KIF21A: variants seen among roughly 807,000 people sequenced by gnomAD.
The protein encoded by KIF21A is kinesin-like protein KIF21A.
A neutral mutation model predicts 202.9 loss-of-function variants in KIF21A; 114 were observed. The observed-to-expected ratio is 0.56, with a 90% CI of 0.48 to 0.66. The LOEUF (loss-of-function observed/expected upper bound fraction) is 0.66, where lower values mean the gene tolerates loss of function less well. Ranked by LOEUF, KIF21A falls within the 30% of genes least tolerant of loss-of-function variation. KIF21A has a pLI of 0.00. For synonymous variants in KIF21A, 667 were observed against 670.8 expected (o/e 0.99, Z 0.09); for missense variants, 1,677 against 1,994.9 (o/e 0.84, Z 3.04).
At position 39,366,513 on chromosome 12, in the gene KIF21A, T is replaced by C. The variant is rs772197323; in HGVS notation, c.740A>G (p.Asn247Ser). The stretch of plus-strand genomic sequence containing the variant: ...AGAAATAATTTTATTATCAGTTGCA[T>C]TGTCCTGAAATTAAGAAAAATAATT... ...TRVCPQIDAD[N>S]ATDNKIISES... The change falls in exon 6 of 38, where the codon AAT (asparagine) becomes AGT (serine). Residue 247 changes from asparagine (N) to serine (S), a missense_variant. Around this residue, in one of 3 missense-constraint regions of KIF21A, gnomAD observed 966 missense variants for 1,180.9 expected, o/e 0.82. Transcript: ENST00000361418. The C allele has an allele frequency of 6.3e-7, 1 of 1,599,422 alleles. No homozygotes were observed. The highest frequency in any genetic ancestry group is 8.6e-7 in the Non-Finnish European group (1 of 1,167,190).
chr12:39,388,323 C>T (rs1262698449), intron 1 of KIF21A, among the ~76,000 whole-genome samples: 1 of 152,158 alleles, frequency 6.6e-6, no homozygotes, highest in Non-Finnish European at 1.5e-5. Context: ...CTTTACCTTC[C>T]ATCGTAAGTG....
chr12:39,295,222 T>G (rs543327358), intron 37 of KIF21A, among the ~76,000 whole-genome samples: 2 of 152,318 alleles, frequency 1.3e-5, no homozygotes, highest in South Asian at 2.1e-4. Context: ...TTGAAATTTT[T>G]TATAAAAAGG....
At chr12:39,337,358 G>A in intron 16 of KIF21A, 155 bp from the exon 17 acceptor site, 1 of 626,830 alleles carries the variant, frequency 1.6e-6, no homozygotes, top group Non-Finnish European at 2.8e-6. Flanking sequence ...TCTTATTTCT[G>A]TGGGATTCAT....
chr12:39,294,513 G>T lies in KIF21A; in HGVS notation c.4936C>A (p.Arg1646=), dbSNP rs777458254. 12 of 1,611,894 alleles carry T rather than the reference G, an allele frequency of 7.4e-6. No homozygotes were observed. Among genetic ancestry groups the T allele is most frequent in the Non-Finnish European group, 9.3e-6 (11 of 1,178,402 alleles). Reference sequence around the variant, plus strand: ...CGAGCCTTCCAAATTCTCACAGTTCGATCACTACAAAAAAATAAACAAAAC... The same window carrying T: ...CGAGCCTTCCAAATTCTCACAGTTCTATCACTACAAAAAAATAAACAAAAC... ...STHIFTAADD[R]TVRIWKARNL... Residue 1646 remains arginine, a synonymous_variant, in exon 38 of 38, where the codon CGA becomes AGA. Transcript: ENST00000361418.
rs535652906 is a variant in KIF21A, at chr12:39,364,266, T to C, written c.904-1053A>G. Among the ~76,000 whole-genome samples the C allele has an allele frequency of 2.0e-5, 3 of 152,278 alleles. No individual in the cohort carries two copies. In the South Asian group the frequency reaches 6.2e-4, roughly 32 times the overall value. ...GGAGTGGCAACAGGATCACACTTTT[T>C]CATCATTCCCCCTTTCCAGAGCAGC... On this transcript the variant is annotated intron_variant, in intron 6 of 37. Coordinates refer to ENST00000361418, the MANE Select transcript of KIF21A (RefSeq NM_001173464.2).
intron 16 of KIF21A, among the ~76,000 whole-genome samples, chr12:39,337,983 C>G (rs1413527529): frequency 2.0e-5 from 3 of 152,054 alleles, no homozygotes; most frequent in Non-Finnish European, 4.4e-5. Context: ...TATGTATTTA[C>G]TATACTATAC....
At chr12:39,331,101 A>G (rs1007241689) in intron 22 of KIF21A, among the ~76,000 whole-genome samples, 190 bp from the exon 23 acceptor site, 3 of 152,152 alleles carry the variant, frequency 2.0e-5, no homozygotes, top group Non-Finnish European at 4.4e-5. Context: ...TATCTTCTGG[A>G]TTCTCAGTTT....
intron 1 of KIF21A, among the ~76,000 whole-genome samples, chr12:39,422,062 G>A (rs1016495676): frequency 2.6e-5 from 4 of 151,060 alleles, no homozygotes; most frequent in East Asian, 1.9e-4. Context: ...TAGCTCAAGC[G>A]ATTCTCCCAC....
At chr12:39,389,980 C>G (rs1164034362) in intron 1 of KIF21A, among the ~76,000 whole-genome samples, 1 of 152,188 alleles carries the variant, frequency 6.6e-6, no homozygotes, top group Non-Finnish European at 1.5e-5. Flanking sequence ...ACCCCACACA[C>G]TATACACTTT....
chr12:39,398,568 C>G (rs976702399), intron 1 of KIF21A, among the ~76,000 whole-genome samples: 1 of 151,954 alleles, frequency 6.6e-6, no homozygotes, highest in South Asian at 2.1e-4. Flanking sequence ...TTGAAGAGCC[C>G]AAGTGAGAGG....
intron 12 of KIF21A, among the ~76,000 whole-genome samples, chr12:39,345,282 A>C (rs1947799523): frequency 6.6e-6 from 1 of 152,160 alleles, no homozygotes. Context: ...TTAATGACGC[A>C]TCTTATTTTT....
At chr12:39,383,927 G>T (rs1334034756) in intron 1 of KIF21A, among the ~76,000 whole-genome samples, 1 of 152,174 alleles carries the variant, frequency 6.6e-6, no homozygotes, top group Non-Finnish European at 1.5e-5. Context: ...TAAAAACATA[G>T]ATTTTGATAT....
intron 29 of KIF21A, among the ~76,000 whole-genome samples, chr12:39,316,692 G>C (rs558299811): frequency 6.6e-6 from 1 of 152,268 alleles, no homozygotes; most frequent in African/African-American, 2.4e-5. Context: ...AATGTAACCT[G>C]AAACAATGTG....
intron 1 of KIF21A, among the ~76,000 whole-genome samples, chr12:39,428,285 T>C (rs1406997099): frequency 6.6e-6 from 1 of 152,218 alleles, no homozygotes; most frequent in African/African-American, 2.4e-5. Context: ...AGGTATTTGT[T>C]TTAACAATTC....
chr12:39,351,012 G>A (rs537261851), intron 11 of KIF21A, among the ~76,000 whole-genome samples: 2 of 151,938 alleles, frequency 1.3e-5, no homozygotes, highest in African/African-American at 4.8e-5. Context: ...AATTTGACTG[G>A]CATGCTCAAA....
At chr12:39,321,755 T>C (rs550730894) in intron 27 of KIF21A, 5 of 152,350 alleles carry the variant, frequency 3.3e-5, no homozygotes, top group South Asian at 2.1e-4. Flanking sequence ...ACAGATCATA[T>C]AGTGTGTGCC....
At chr12:39,345,968 C>T (rs1253243756) in intron 12 of KIF21A, among the ~76,000 whole-genome samples, 2 of 150,028 alleles carry the variant, frequency 1.3e-5, no homozygotes, top group East Asian at 1.9e-4. Flanking sequence ...CCACAGTTTC[C>T]TTTTGTTTGT....
chr12:39,304,179 C>T (rs1452924187), intron 35 of KIF21A, among the ~76,000 whole-genome samples: 1 of 152,176 alleles, frequency 6.6e-6, no homozygotes, highest in Admixed American at 6.5e-5. Context: ...ATTTCTTAAT[C>T]AAAGTTTCTA....
intron 32 of KIF21A, among the ~76,000 whole-genome samples, chr12:39,310,126 C>A (rs113572681): frequency 1.6e-3 from 246 of 152,180 alleles, no homozygotes; most frequent in African/African-American, 5.4e-3. Context: ...GATCATATTC[C>A]TACCTCCTCA....
Sources: allele counts gnomAD v4.1 joint callset (sites outside exome capture counted in the v4.1 genomes callset), GRCh38; gene constraint gnomAD v4.1.1; regional missense constraint gnomAD v4.1.1; transcripts MANE v1.5; gene names NCBI Gene and HGNC (gene_info 2026-07-23, HGNC 2026-07-21).